Variants in RPP30 observed in about 807,000 individuals in gnomAD.
The protein encoded by RPP30 is ribonuclease P/MRP subunit p30, also known as ribonuclease P protein subunit p30.
Under a neutral mutation model 38.6 loss-of-function variants are expected in RPP30, and 36 were observed. That is an observed-to-expected ratio of 0.93 (90% CI 0.71 to 1.23). RPP30 has a LOEUF of 1.23. Ranked by LOEUF, RPP30 falls within the 50% of genes most tolerant of loss-of-function variation. The probability of loss-of-function intolerance (pLI) is 0.00; values close to 1 mark genes in which losing one functional copy is unlikely to be tolerated. For missense variants in RPP30, 321 were observed against 321.7 expected (o/e 1.00, Z 0.02); for synonymous variants, 126 against 112.7 (o/e 1.12, Z -0.75).
downstream of RPP30, among the ~76,000 whole-genome samples, chr10:90,907,530 C>G (rs77532055): frequency 0.06 from 9,204 of 152,264 alleles, 349 homozygotes; most frequent in Non-Finnish European, 0.093. Flanking sequence ...ATACACTCTC[C>G]CAGATAGTTA....
chr10:90,875,232 T>C (rs574136230), intron 2 of RPP30, among the ~76,000 whole-genome samples: 6 of 143,986 alleles, frequency 4.2e-5, no homozygotes, highest in Non-Finnish European at 8.9e-5. Flanking sequence ...TTTTATTCTA[T>C]TGTCATGGGC....
At chr10:90,906,061 C>T (rs1264433511), downstream of RPP30, 1 of 152,028 alleles carries the variant, frequency 6.6e-6, no homozygotes, top group Non-Finnish European at 1.5e-5. Flanking sequence ...GTCATGAAAC[C>T]AGGATTATTG....
downstream of RPP30, among the ~76,000 whole-genome samples, chr10:90,907,767 G>T (rs1847269067): frequency 6.6e-6 from 1 of 152,140 alleles, no homozygotes; most frequent in African/African-American, 2.4e-5. Flanking sequence ...CCACCTCAAA[G>T]AAGTCTTTAT....
chr10:90,874,778 C>G (rs1846829082), intron 1 of RPP30, 91 bp from the exon 2 acceptor site: 4 of 758,184 alleles, frequency 5.3e-6, no homozygotes, highest in Non-Finnish European at 8.6e-6. Flanking sequence ...AAATGTCCTC[C>G]TACTCTTGAC....
At chr10:90,879,304 T>G (rs1044645771) in intron 5 of RPP30, among the ~76,000 whole-genome samples, 170 bp downstream of exon 5, 2 of 152,152 alleles carry the variant, frequency 1.3e-5, no homozygotes, top group East Asian at 3.8e-4. Flanking sequence ...GTATTTGTGG[T>G]TTTTTTGTTT....
intron 5 of RPP30, among the ~76,000 whole-genome samples, chr10:90,882,631 G>A (rs559897170): frequency 3.3e-5 from 5 of 151,798 alleles, no homozygotes; most frequent in Non-Finnish European, 7.4e-5. Flanking sequence ...CCACAGCACT[G>A]CAACCTGGAT....
At chr10:90,885,961 A>C (rs1846995398) in intron 6 of RPP30, 60 bp downstream of exon 6, 2 of 1,057,386 alleles carry the variant, frequency 1.9e-6, no homozygotes, top group Non-Finnish European at 2.8e-6. Flanking sequence ...AAATTGGAAA[A>C]GAAGCAGAAG....
At chr10:90,872,326 G>C (rs1159894913) in intron 1 of RPP30, among the ~76,000 whole-genome samples, 1 of 152,178 alleles carries the variant, frequency 6.6e-6, no homozygotes, top group Non-Finnish European at 1.5e-5. Flanking sequence ...GATTTGCATA[G>C]GGGCCTACAG....
chr10:90,895,995 A>G, intron 9 of RPP30, 78 bp downstream of exon 9: 2 of 1,129,250 alleles, frequency 1.8e-6, no homozygotes, highest in Non-Finnish European at 2.6e-6. Flanking sequence ...ATAGTTGAAC[A>G]TGTATTTTTC....
At chr10:90,883,620 C>T (rs577515145) in intron 5 of RPP30, among the ~76,000 whole-genome samples, 63 of 152,208 alleles carry the variant, frequency 4.1e-4, no homozygotes, top group African/African-American at 1.3e-3. Context: ...TGTATTTGCA[C>T]GTACTTAAAC....
At position 90,901,495 on chromosome 10, in the gene RPP30, G is replaced by A. The variant is rs1847202337; in HGVS notation, c.*816G>A. On this transcript the variant is annotated 3_prime_UTR_variant, in exon 11 of 11. Transcript: ENST00000371703. ...GGATACACATGTAAAATTACATCTG[G>A]TCTCTTCCTTCACTGCTTCATGCCT... 8 of 984,744 alleles carry A rather than the reference G, an allele frequency of 8.1e-6. No individual in the cohort carries two copies. In the South Asian group the frequency reaches 2.8e-4, roughly 35 times the overall value. The allele number at this position is 984,744 out of a possible 1,614,324, so 61.0% of individuals were successfully genotyped here. A position where few individuals can be genotyped will look rare whatever the true frequency, so the allele number is the denominator to read the frequency against.
At chr10:90,894,242 A>G (rs574515544) in intron 6 of RPP30, among the ~76,000 whole-genome samples, 1 of 152,376 alleles carries the variant, frequency 6.6e-6, no homozygotes, top group East Asian at 1.9e-4. Flanking sequence ...CTCTTAGCAT[A>G]TAGTCAGCAC....
downstream of RPP30, among the ~76,000 whole-genome samples, chr10:90,907,064 C>T (rs1044798101): frequency 2.6e-5 from 4 of 152,186 alleles, no homozygotes; most frequent in Admixed American, 2.6e-4. Flanking sequence ...GTTATTAGTG[C>T]AAATATTTAT....
chr10:90,895,734 G>A, intron 8 of RPP30, 146 bp from the exon 9 acceptor site: 1 of 591,160 alleles, frequency 1.7e-6, no homozygotes. Flanking sequence ...ATTTTCAAAA[G>A]CTATGAAACC....
rs759005938 is a variant in RPP30, at chr10:90,879,119, A to G, written c.327A>G (p.Thr109=). Residue 109 remains threonine, a synonymous_variant, in exon 5 of 11, where the codon ACA becomes ACG. Coordinates refer to ENST00000371703, the MANE Select transcript of RPP30 (RefSeq NM_006413.5). ...LYDVVAVFPK[T]EKLFHIACTH... ...ATGTTGTTGCAGTTTTTCCAAAGACAGAAAAGCTTTTTCATGTGAGTAACA... is the reference window on the plus strand; with the variant it reads ...ATGTTGTTGCAGTTTTTCCAAAGACGGAAAAGCTTTTTCATGTGAGTAACA... 1.5e-5 allele frequency: 25 copies of G among 1,613,848 alleles called. No homozygotes were observed. In the South Asian group the frequency reaches 2.6e-4, roughly 17 times the overall value.
chr10:90,901,054 G>A lies in RPP30; in HGVS notation c.*375G>A. ...TACAGTGGCATAATCACAGCTCACTGCAACCTCAATCCTGGGCTCAAGTGA... is the reference window on the plus strand; with the variant it reads ...TACAGTGGCATAATCACAGCTCACTACAACCTCAATCCTGGGCTCAAGTGA... On this transcript the variant is annotated 3_prime_UTR_variant, in exon 11 of 11. Coordinates refer to ENST00000371703, the MANE Select transcript of RPP30 (RefSeq NM_006413.5). The A allele has an allele frequency of 3.7e-6, 2 of 547,548 alleles. No individual in the cohort carries two copies. The highest frequency in any genetic ancestry group is 4.6e-6 in the Non-Finnish European group (2 of 430,254). 33.9% of individuals were successfully genotyped at this position (547,548 alleles called of 1,614,324 possible). A position where few individuals can be genotyped will look rare whatever the true frequency, so the allele number is the denominator to read the frequency against.
rs910373615 is a variant in RPP30 at position 90,902,152 on chromosome 10, A to T, written c.*1473A>T. On this transcript the variant is annotated 3_prime_UTR_variant, in exon 11 of 11. Transcript: ENST00000371703. The stretch of plus-strand genomic sequence containing the variant: ...TTTATAACCTCACCAATGAATACAA[A>T]TGTTTAAATAAAATATTGATTAAAA... 1 of 979,338 alleles carries T rather than the reference A, an allele frequency of 1.0e-6. No homozygotes were observed. The highest frequency in any genetic ancestry group is 1.2e-6 in the Non-Finnish European group (1 of 819,290). The allele number at this position is 979,338 out of a possible 1,614,324, so 60.7% of individuals were successfully genotyped here.
intron 3 of RPP30, 48 bp from the exon 4 acceptor site, chr10:90,875,976 C>A: frequency 1.8e-6 from 2 of 1,090,408 alleles, no homozygotes; most frequent in South Asian, 1.3e-5. Flanking sequence ...AAAGGAAAAT[C>A]AATTATTGTC....
At chr10:90,875,412 TAA>T (rs1157332204) in intron 2 of RPP30, 144 bp from the exon 3 acceptor site, 1 of 630,220 alleles carries the variant, frequency 1.6e-6, no homozygotes, top group Non-Finnish European at 2.7e-6. Context: ...AAATAATTTT[TAA>T]AAGTTTTTTT....
Sources: gnomAD v4.1 joint callset for allele counts (sites outside exome capture counted in the v4.1 genomes callset) on GRCh38, gnomAD v4.1.1 for gene constraint, MANE v1.5 for transcripts, NCBI Gene and HGNC (gene_info 2026-07-23, HGNC 2026-07-21) for gene names.